Variants in NXNL2 observed in about 807,000 individuals in gnomAD.
The protein encoded by NXNL2 is nucleoredoxin-like protein 2.
NXNL2 carries 7 observed loss-of-function variants against 11.1 expected under a neutral mutation model. The ratio of observed to expected loss-of-function variants is 0.63; its 90% CI spans 0.36 to 1.18. The LOEUF is 1.18. Ranked by LOEUF, NXNL2 falls within the 50% of genes most tolerant of loss-of-function variation. NXNL2 has a pLI of 0.02. For synonymous variants in NXNL2, 109 were observed against 101.8 expected (o/e 1.07, Z -0.42); for missense variants, 233 against 217.7 (o/e 1.07, Z -0.44).
chr9:88,565,405 T>A (rs1427155938), intron 1 of NXNL2, among the ~76,000 whole-genome samples: 2 of 152,146 alleles, frequency 1.3e-5, no homozygotes, highest in African/African-American at 4.8e-5. Flanking sequence ...CATATGAGAG[T>A]TCTATTTTTA....
intron 2 of NXNL2, among the ~76,000 whole-genome samples, chr9:88,572,288 G>A (rs965687935): frequency 2.0e-5 from 3 of 152,188 alleles, no homozygotes; most frequent in African/African-American, 7.2e-5. Context: ...AACATGTTCT[G>A]ACTCTGTGGA....
intron 1 of NXNL2, among the ~76,000 whole-genome samples, chr9:88,567,621 TA>T (rs563643571): frequency 9.9e-4 from 151 of 152,092 alleles, no homozygotes; most frequent in African/African-American, 3.6e-3. Flanking sequence ...GGTGAAAGAG[TA>T]AAAAAATGAT....
intron 1 of NXNL2, among the ~76,000 whole-genome samples, chr9:88,536,319 G>C (rs575144620): frequency 6.6e-6 from 1 of 152,252 alleles, no homozygotes; most frequent in South Asian, 2.1e-4. Context: ...CCACCTTTGC[G>C]GTTTCATTTT....
intron 1 of NXNL2, among the ~76,000 whole-genome samples, chr9:88,568,152 C>T (rs1176026831): frequency 1.3e-5 from 2 of 152,160 alleles, no homozygotes; most frequent in African/African-American, 2.4e-5. Context: ...CCCTATAGCC[C>T]AGCACTGCAG....
chr9:88,539,019 G>A (rs578003206), intron 1 of NXNL2, among the ~76,000 whole-genome samples: 3 of 152,114 alleles, frequency 2.0e-5, no homozygotes, highest in Non-Finnish European at 2.9e-5. Flanking sequence ...TGTACTCCCC[G>A]TGCTGTCAGG....
chr9:88,571,561 A>G (rs147641867), intron 2 of NXNL2, among the ~76,000 whole-genome samples: 12 of 152,274 alleles, frequency 7.9e-5, no homozygotes, highest in East Asian at 5.8e-4. Context: ...TCCTACCACA[A>G]TTTGGCTCTG....
At chr9:88,573,173 T>G (rs1287612551) in intron 2 of NXNL2, among the ~76,000 whole-genome samples, 1 of 151,966 alleles carries the variant, frequency 6.6e-6, no homozygotes, top group East Asian at 1.9e-4. Flanking sequence ...AGACAAGGTC[T>G]TGCTCTGTCA....
intron 1 of NXNL2, among the ~76,000 whole-genome samples, chr9:88,568,237 T>C (rs1830207153): frequency 1.3e-5 from 2 of 152,238 alleles, no homozygotes; most frequent in South Asian, 4.1e-4. Context: ...CAATGTCTTA[T>C]TTTAATTAAT....
chr9:88,551,717 T>G (rs12351174), intron 1 of NXNL2, among the ~76,000 whole-genome samples: 6,275 of 152,300 alleles, frequency 0.041, 393 homozygotes, highest in African/African-American at 0.13. Flanking sequence ...GTGGGGCTTG[T>G]TAACGCTGAG....
downstream of NXNL2, among the ~76,000 whole-genome samples, chr9:88,547,236 A>G (rs1829857338): frequency 1.3e-5 from 2 of 152,190 alleles, no homozygotes; most frequent in African/African-American, 2.4e-5. Context: ...GGGCATCTTT[A>G]TCAAAGCCCA....
chr9:88,564,305 CTATCT>C (rs968552655), intron 1 of NXNL2, among the ~76,000 whole-genome samples: 7 of 150,818 alleles, frequency 4.6e-5, no homozygotes, highest in Non-Finnish European at 8.8e-5. Context: ...ATCTATCTAT[CTATCT>C]ATCTATCTAT....
Position 88,535,459 on chromosome 9 carries a change from CACCTGGTG to C in NXNL2, c.31_38del (p.Val11Ter). On this transcript the variant is annotated frameshift_variant, in exon 1 of 2. Coordinates refer to ENST00000375854, the MANE Select transcript of NXNL2 (RefSeq NM_001161625.2). LOFTEE classifies it high-confidence loss of function. ...CATGGTTGACATTCTGGGCGAGCGG[CACCTGGTG>C]ACCTGTAAGGGCGCGACGGTGGAGG... is the stretch of plus-strand genomic sequence containing the variant. 6.2e-7 allele frequency: 1 copy of C among 1,604,874 alleles called. No individual in the cohort carries two copies. Among genetic ancestry groups the C allele is most frequent in the Non-Finnish European group, 8.5e-7 (1 of 1,176,432 alleles).
rs201758132 is a variant in NXNL2, at chr9:88,564,240, G to GTCTATCTA, written c.303-6827_303-6820dup. Among the ~76,000 whole-genome samples, 1,081 of 139,478 alleles carry GTCTATCTA rather than the reference G, an allele frequency of 7.8e-3. 11 individuals are homozygous for GTCTATCTA. The highest frequency in any genetic ancestry group is 0.025 in the East Asian group (101 of 4,100). 91.5% of individuals were successfully genotyped at this position (139,478 alleles called of 152,430 possible). On this transcript the variant is annotated intron_variant, in intron 1 of 2. Transcript: ENST00000375855. ...AAAAAAAAAGCCCTTCTCTGATGTT[G>GTCTATCTA]TCTATCTATCTATCTATCTATCTAT...
intron 1 of NXNL2, among the ~76,000 whole-genome samples, chr9:88,558,166 G>C (rs1195219927): frequency 6.6e-6 from 1 of 152,174 alleles, no homozygotes; most frequent in Non-Finnish European, 1.5e-5. Flanking sequence ...GGAACTTTCA[G>C]CTCCGATGGG....
downstream of NXNL2, among the ~76,000 whole-genome samples, chr9:88,549,555 C>T (rs1829898760): frequency 2.0e-5 from 3 of 152,168 alleles, no homozygotes; most frequent in Admixed American, 2.0e-4. Flanking sequence ...GGCACCACCT[C>T]ATAGCTTTTT....
intron 1 of NXNL2, among the ~76,000 whole-genome samples, chr9:88,540,388 T>A (rs377622585): frequency 6.6e-6 from 1 of 151,634 alleles, no homozygotes; most frequent in South Asian, 2.1e-4. Flanking sequence ...GAGAGGGACA[T>A]CTCTGCCACA....
intron 1 of NXNL2, among the ~76,000 whole-genome samples, chr9:88,538,857 T>C (rs1739911828): frequency 6.6e-6 from 1 of 152,202 alleles, no homozygotes; most frequent in Non-Finnish European, 1.5e-5. Context: ...CTCCAGGAGG[T>C]GGATTCTGTT....
intron 1 of NXNL2, among the ~76,000 whole-genome samples, chr9:88,563,217 T>C (rs1252190014): frequency 6.6e-6 from 1 of 152,250 alleles, no homozygotes; most frequent in African/African-American, 2.4e-5. Flanking sequence ...AATACACATG[T>C]ATGCTCGTGC....
At chr9:88,566,775 A>G (rs935171821) in intron 1 of NXNL2, among the ~76,000 whole-genome samples, 1 of 152,154 alleles carries the variant, frequency 6.6e-6, no homozygotes, top group African/African-American at 2.4e-5. Flanking sequence ...TTCTTTCATC[A>G]AAGTTTTGTA....
Sources: gnomAD v4.1 joint callset for allele counts (sites outside exome capture counted in the v4.1 genomes callset) on GRCh38, gnomAD v4.1.1 for gene constraint, MANE v1.5 for transcripts, NCBI Gene and HGNC (gene_info 2026-07-23, HGNC 2026-07-21) for gene names.